Variants in RALGAPA1 observed in about 807,000 individuals in gnomAD.
RALGAPA1 encodes the protein Ral GTPase activating protein catalytic subunit alpha 1.
RALGAPA1 carries 52 observed loss-of-function variants against 269.6 expected under a neutral mutation model. That is an observed-to-expected ratio of 0.19 (90% confidence interval 0.15 to 0.24). The LOEUF is 0.24. RALGAPA1 is among the 10% of genes least tolerant of loss of function. The probability of loss-of-function intolerance (pLI) is 1.00; values close to 1 mark genes in which losing one functional copy is unlikely to be tolerated. For synonymous variants in RALGAPA1, 817 were observed against 1,008.3 expected (o/e 0.81, Z 3.60); for missense variants, 1,917 against 3,013.9 (o/e 0.64, Z 8.52).
chr14:35,634,628 G>C lies in RALGAPA1; in HGVS notation c.5941C>G (p.Pro1981Ala). The C allele has an allele frequency of 1.9e-6, 3 of 1,613,618 alleles. No homozygotes were observed. The highest frequency in any genetic ancestry group is 2.5e-6 in the Non-Finnish European group (3 of 1,179,726). The change falls in exon 33 of 42, where the codon CCT becomes GCT. Residue 1981 changes from proline to alanine, a missense_variant. Physicochemically the swap from Pro to Ala is conservative, Grantham distance 27. This residue lies in a region of RALGAPA1 where 346 missense variants were observed against 566.1 expected (regional missense o/e 0.61). Transcript: ENST00000680220. ...MHLESLKEPE[P>A]LHSPDSERSS... The stretch of plus-strand genomic sequence containing the variant: ...CGTTCTGAGTCAGGAGAGTGCAGAG[G>C]CTCAGGCTCTTTCAGACTTTCCAAA...
In RALGAPA1 at chr14:35,738,538, C is replaced by G. The variant is rs780318105; in HGVS notation, c.1562G>C (p.Arg521Pro). ...CTGCAAAACTGCCTGGGTACCAGCTCGTATGTTTTGTTCTGTGGCTTCTTC... is the reference window on the plus strand; with the variant it reads ...CTGCAAAACTGCCTGGGTACCAGCTGGTATGTTTTGTTCTGTGGCTTCTTC... ...ASEEATEQNI[R>P]AGTQAVLQVF... Residue 521 changes from arginine to proline, a missense_variant, in exon 12 of 42, where the codon CGA (arginine) becomes CCA (proline). By Grantham distance (103) the Arg-to-Pro change is moderately radical. Around this residue, in one of 11 missense-constraint regions of RALGAPA1, gnomAD observed 462 missense variants for 725.6 expected, o/e 0.64. Transcript: ENST00000680220. 2 of 1,608,596 alleles carry G rather than the reference C, an allele frequency of 1.2e-6. No individual in the cohort carries two copies. Among genetic ancestry groups the G allele is most frequent in the East Asian group, 4.5e-5 (2 of 44,802 alleles).
chr14:35,752,432 G>A (rs1472856033), intron 7 of RALGAPA1, among the ~76,000 whole-genome samples: 2 of 152,156 alleles, frequency 1.3e-5, no homozygotes, highest in African/African-American at 4.8e-5. Flanking sequence ...AAATATTAAA[G>A]TTCTTTCCCT....
chr14:35,560,528 A>C lies in RALGAPA1; in HGVS notation c.7496+10089T>G, dbSNP rs141176934. Among the ~76,000 whole-genome samples, 945 of 152,258 alleles carry C rather than the reference A, an allele frequency of 6.2e-3. 7 individuals are homozygous for C. The highest frequency in any genetic ancestry group is 0.021 in the African/African-American group (893 of 41,560). ...CCTCTCACCCTATCCTCTCCCACTT[A>C]AAATTAATCACCTTTACCATCCTAC... is the stretch of plus-strand genomic sequence containing the variant. On this transcript the variant is annotated intron_variant, in intron 39 of 41. Transcript: ENST00000680220.
chr14:35,794,430 T>C (rs2076410919), intron 1 of RALGAPA1, among the ~76,000 whole-genome samples: 1 of 152,136 alleles, frequency 6.6e-6, no homozygotes, highest in Admixed American at 6.6e-5. Flanking sequence ...GCCAAATCTG[T>C]TAATCCATAC....
Position 35,572,728 on chromosome 14 carries a change from C to G in RALGAPA1, c.7210-10G>C. On this transcript the variant is annotated splice_polypyrimidine_tract_variant and intron_variant, in intron 37 of 41. Transcript: ENST00000680220. ...TTCCCAAATGTCTCAACTGGAAAGA[C>G]AAGAAAACAATTTATACTGCTTTAA... 3 of 1,587,566 alleles carry G rather than the reference C, an allele frequency of 1.9e-6. No homozygotes were observed. The highest frequency in any genetic ancestry group is 2.6e-6 in the Non-Finnish European group (3 of 1,168,374).
chr14:35,772,834 T>C (rs977472190), intron 3 of RALGAPA1, among the ~76,000 whole-genome samples: 1 of 152,196 alleles, frequency 6.6e-6, no homozygotes. Flanking sequence ...TCTGCCTTGA[T>C]AATATACTGC....
chr14:35,664,570 A>G, intron 27 of RALGAPA1, 72 bp downstream of exon 27: 1 of 1,232,940 alleles, frequency 8.1e-7, no homozygotes, highest in Non-Finnish European at 1.1e-6. Context: ...AAGAAAGAAT[A>G]CAAATTTTAT....
intron 4 of RALGAPA1, among the ~76,000 whole-genome samples, chr14:35,765,552 G>A (rs1051073272): frequency 6.6e-6 from 1 of 152,162 alleles, no homozygotes; most frequent in Non-Finnish European, 1.5e-5. Context: ...CCAGGCTGGA[G>A]TGCAGTGGCA....
Position 35,689,897 on chromosome 14 carries a change from T to C in RALGAPA1, c.2514A>G (p.Pro838=), listed in dbSNP as rs773662974. 15 of 1,605,212 alleles carry C rather than the reference T, an allele frequency of 9.3e-6. No homozygotes were observed. Among genetic ancestry groups the C allele is most frequent in the Middle Eastern group, 3.8e-4 (2 of 5,310 alleles). The change falls in exon 18 of 42, where the codon CCA becomes CCG. Residue 838 remains proline (P), a synonymous_variant. Coordinates refer to ENST00000680220, the MANE Select transcript of RALGAPA1 (RefSeq NM_001346249.2). The part of the protein sequence containing the change: ...EVFGALNEEQ[P]LPRSSSTSDI... ...CAGAAGTGCTGCTACTTCGAGGCAA[T>C]GGCTGCTCCTCATTCAAAGCACCAA...
chr14:35,694,327 T>C (rs919916181), intron 17 of RALGAPA1, among the ~76,000 whole-genome samples: 1 of 152,170 alleles, frequency 6.6e-6, no homozygotes, highest in Admixed American at 6.5e-5. Flanking sequence ...CTAGTTTACA[T>C]AGAAATTGAT....
At chr14:35,781,177 C>T (rs2075397999) in intron 1 of RALGAPA1, among the ~76,000 whole-genome samples, 1 of 152,094 alleles carries the variant, frequency 6.6e-6, no homozygotes, top group African/African-American at 2.4e-5. Flanking sequence ...GAATATAATA[C>T]ATTACTACTA....
chr14:35,661,099 C>T (rs2063509809), intron 27 of RALGAPA1, among the ~76,000 whole-genome samples: 2 of 151,386 alleles, frequency 1.3e-5, no homozygotes, highest in South Asian at 4.2e-4. Context: ...ACACTTGAAA[C>T]CTGCTAAGAC....
chr14:35,571,993 A>G (rs2057238273), intron 38 of RALGAPA1, among the ~76,000 whole-genome samples: 1 of 152,210 alleles, frequency 6.6e-6, no homozygotes, highest in African/African-American at 2.4e-5. Flanking sequence ...GAAGGAACAC[A>G]CCAAAAATAC....
At chr14:35,642,246 G>A (rs534186824) in intron 31 of RALGAPA1, among the ~76,000 whole-genome samples, 1 of 152,194 alleles carries the variant, frequency 6.6e-6, no homozygotes, top group East Asian at 1.9e-4. Flanking sequence ...GAACAAATAG[G>A]ATCACATAAA....
At chr14:35,665,219 A>T (rs999212006) in intron 26 of RALGAPA1, among the ~76,000 whole-genome samples, 1 of 152,218 alleles carries the variant, frequency 6.6e-6, no homozygotes, top group African/African-American at 2.4e-5. Flanking sequence ...GATGGCTTTT[A>T]TGATATTATG....
intron 1 of RALGAPA1, among the ~76,000 whole-genome samples, chr14:35,806,681 C>G (rs879328309): frequency 6.6e-6 from 1 of 152,038 alleles, no homozygotes; most frequent in Non-Finnish European, 1.5e-5. Flanking sequence ...ACTATGGGAC[C>G]AAACAAAAAT....
chr14:35,619,924 G>A (rs2060501642), intron 35 of RALGAPA1, among the ~76,000 whole-genome samples: 1 of 152,160 alleles, frequency 6.6e-6, no homozygotes, highest in Non-Finnish European at 1.5e-5. Context: ...CGGATTCACA[G>A]CCAAATTCTA....
chr14:35,634,211 C>A (rs1342593143), intron 33 of RALGAPA1, among the ~76,000 whole-genome samples: 1 of 152,006 alleles, frequency 6.6e-6, no homozygotes, highest in East Asian at 1.9e-4. Flanking sequence ...TGGCATGATG[C>A]TCAAAGGAAA....
intron 22 of RALGAPA1, chr14:35,677,220 A>G (rs914242662): frequency 1.3e-5 from 2 of 152,312 alleles, no homozygotes; most frequent in African/African-American, 2.4e-5. Context: ...TAGAAGTTAT[A>G]TAGTTTTAAA....
Sources: allele counts gnomAD v4.1 joint callset (sites outside exome capture counted in the v4.1 genomes callset), GRCh38; gene constraint gnomAD v4.1.1; regional missense constraint gnomAD v4.1.1; transcripts MANE v1.5; gene names NCBI Gene and HGNC (gene_info 2026-07-23, HGNC 2026-07-21).